The following CCDC7 variants were observed in gnomAD, a reference collection of about 807,000 sequenced individuals.
The protein encoded by CCDC7 is coiled-coil domain-containing protein 7.
A neutral mutation model predicts 196.9 loss-of-function variants in CCDC7; 183 were observed. The ratio of observed to expected loss-of-function variants is 0.93; its 90% CI spans 0.82 to 1.05. CCDC7 has a LOEUF of 1.05. Among genes scored for constraint, CCDC7 ranks in the 50% least tolerant of loss-of-function variants. The pLI is 0.00. For synonymous variants in CCDC7, 525 were observed against 484.6 expected (o/e 1.08, Z -1.10); for missense variants, 1,540 against 1,482.2 (o/e 1.04, Z -0.64).
chr10:32,642,899 A>G (rs943206284), intron 20 of CCDC7, among the ~76,000 whole-genome samples: 1 of 152,218 alleles, frequency 6.6e-6, no homozygotes, highest in African/African-American at 2.4e-5. Context: ...GAACTGTTAG[A>G]AGAAAAAGAC....
intron 21 of CCDC7, among the ~76,000 whole-genome samples, chr10:32,678,791 A>T (rs1438196429): frequency 6.6e-6 from 1 of 152,148 alleles, no homozygotes; most frequent in Non-Finnish European, 1.5e-5. Flanking sequence ...ATGAGTAGAG[A>T]TGAAACTGTT....
intron 8 of CCDC7, among the ~76,000 whole-genome samples, chr10:32,488,025 C>T (rs1478026400): frequency 6.6e-6 from 1 of 152,202 alleles, no homozygotes; most frequent in Admixed American, 6.5e-5. Context: ...CAGACAGGGA[C>T]ATTTAAGTCT....
chr10:32,725,392 A>G (rs2082972502), intron 25 of CCDC7: 1 of 470,928 alleles, frequency 2.1e-6, no homozygotes, highest in Non-Finnish European at 4.4e-6. Context: ...GGTATGTTTC[A>G]AATACTGTAT....
At chr10:32,601,607 T>G (rs1016841420) in intron 18 of CCDC7, among the ~76,000 whole-genome samples, 3 of 152,116 alleles carry the variant, frequency 2.0e-5, no homozygotes, top group African/African-American at 7.2e-5. Flanking sequence ...AGCTAAAGGA[T>G]TGTAAATGCA....
At chr10:32,668,670 C>T (rs2073373606) in intron 21 of CCDC7, among the ~76,000 whole-genome samples, 1 of 152,054 alleles carries the variant, frequency 6.6e-6, no homozygotes, top group African/African-American at 2.4e-5. Flanking sequence ...TGCTGGATTA[C>T]ATTTATTGAT....
intron 5 of CCDC7, among the ~76,000 whole-genome samples, chr10:32,464,919 G>A (rs923195563): frequency 1.3e-5 from 2 of 151,778 alleles, no homozygotes; most frequent in African/African-American, 4.8e-5. Flanking sequence ...TCTCTTATTT[G>A]ATCCACATTC....
At chr10:32,584,108 A>G (rs1227919634) in intron 17 of CCDC7, 124 bp from the exon 19 acceptor site, 8 of 385,730 alleles carry the variant, frequency 2.1e-5, no homozygotes, top group South Asian at 2.4e-4. Flanking sequence ...TGTTTCTGCA[A>G]TGACATTGTA....
chr10:32,707,328 G>A (rs553720120), intron 24 of CCDC7, among the ~76,000 whole-genome samples: 62 of 152,186 alleles, frequency 4.1e-4, no homozygotes, highest in African/African-American at 1.3e-3. Flanking sequence ...TCTCAAAATA[G>A]TAAGAGCTCT....
intron 8 of CCDC7, among the ~76,000 whole-genome samples, chr10:32,482,032 T>C (rs1277305270): frequency 2.0e-5 from 3 of 152,274 alleles, no homozygotes; most frequent in African/African-American, 7.2e-5. Flanking sequence ...TTCTGATGTT[T>C]ATATCTTTCC....
intron 41 of CCDC7, among the ~76,000 whole-genome samples, chr10:32,871,325 T>A (rs1471076237): frequency 6.6e-6 from 1 of 152,164 alleles, no homozygotes; most frequent in Non-Finnish European, 1.5e-5. Context: ...TGGTTTAGTC[T>A]TGGGAGGATG....
chr10:32,490,814 G>A (rs1169751654), intron 8 of CCDC7, among the ~76,000 whole-genome samples: 1 of 151,948 alleles, frequency 6.6e-6, no homozygotes, highest in East Asian at 1.9e-4. Context: ...AAAAAAGTTG[G>A]TGTTTTATTT....
At chr10:32,499,653 G>C (rs1281087213) in intron 9 of CCDC7, among the ~76,000 whole-genome samples, 3 of 151,828 alleles carry the variant, frequency 2.0e-5, no homozygotes, top group African/African-American at 7.3e-5. Flanking sequence ...TCTCTGAGAG[G>C]GGGATTTGGC....
At position 32,831,085 on chromosome 10, in the gene CCDC7, A is replaced by G. The variant is rs539153387; in HGVS notation, c.3269-3730A>G. 8.5e-5 allele frequency among the ~76,000 whole-genome samples: 13 copies of G among 152,326 alleles called. No homozygotes were observed. The East Asian group carries it at 2.1e-3, about 25-fold the overall frequency. ...AAACCTAGGTGGTATAGCTTTCTAC[A>G]TATCTAGGCTATATTGTATAGCCTA... On this transcript the variant is annotated intron_variant, in intron 32 of 41. Transcript: ENST00000639629.
intron 20 of CCDC7, among the ~76,000 whole-genome samples, chr10:32,662,678 T>A (rs1040883603): frequency 1.3e-5 from 2 of 152,184 alleles, no homozygotes; most frequent in African/African-American, 4.8e-5. Flanking sequence ...TTTACATCAC[T>A]CTGACTGCTA....
chr10:32,636,539 C>T (rs541201703), intron 20 of CCDC7, among the ~76,000 whole-genome samples: 3 of 152,260 alleles, frequency 2.0e-5, no homozygotes, highest in Admixed American at 6.5e-5. Context: ...TCATCCATGT[C>T]CCTATAAAGG....
At chr10:32,480,940 A>G (rs1313143326) in intron 8 of CCDC7, among the ~76,000 whole-genome samples, 1 of 152,182 alleles carries the variant, frequency 6.6e-6, no homozygotes, top group Non-Finnish European at 1.5e-5. Context: ...TATTGAATGT[A>G]GAGTACTGAA....
At chr10:32,455,464 G>A (rs2490506) in intron 2 of CCDC7, among the ~76,000 whole-genome samples, 120,150 of 151,980 alleles carry the variant, frequency 0.79, 49,265 homozygotes, top group Non-Finnish European at 0.9. Context: ...ACCGGTGTGC[G>A]GCGCCTCGCC....
chr10:32,700,449 T>A (rs1372619068), intron 24 of CCDC7, among the ~76,000 whole-genome samples: 1 of 151,574 alleles, frequency 6.6e-6, no homozygotes, highest in Non-Finnish European at 1.5e-5. Context: ...GCTCTTTTGG[T>A]TACTGCAGCC....
chr10:32,758,031 C>A (rs1400513715), intron 28 of CCDC7, among the ~76,000 whole-genome samples: 1 of 152,014 alleles, frequency 6.6e-6, no homozygotes, highest in Non-Finnish European at 1.5e-5. Flanking sequence ...GCACATACAC[C>A]CGCCCAAGAC....
Sources: allele counts gnomAD v4.1 joint callset (sites outside exome capture counted in the v4.1 genomes callset), GRCh38; gene constraint gnomAD v4.1.1; transcripts MANE v1.5; gene names NCBI Gene and HGNC (gene_info 2026-07-23, HGNC 2026-07-21).